Variants in SSR3 observed in about 807,000 individuals in gnomAD.
SSR3 encodes the protein signal sequence receptor subunit 3.
SSR3 carries 10 observed loss-of-function variants against 22.1 expected under a neutral mutation model. The observed-to-expected ratio is 0.45, with a 90% CI of 0.28 to 0.77. SSR3 has a LOEUF of 0.77. Ranked by LOEUF, SSR3 falls within the 30% of genes least tolerant of loss-of-function variation. The pLI is 0.13. For missense variants in SSR3, 181 were observed against 220.5 expected, an observed-to-expected ratio of 0.82 and a Z score of 1.13; for synonymous variants, 104 against 82.5, an observed-to-expected ratio of 1.26 and a Z score of -1.42.
intron 2 of SSR3, among the ~76,000 whole-genome samples, chr3:156,552,539 A>T (rs1720000456): frequency 6.6e-6 from 1 of 152,240 alleles, no homozygotes; most frequent in South Asian, 2.1e-4. Flanking sequence ...AAGTAAAAAC[A>T]GCATCCAAAC....
intron 4 of SSR3, among the ~76,000 whole-genome samples, chr3:156,543,672 G>A (rs1357661212): frequency 1.3e-5 from 2 of 152,214 alleles, no homozygotes; most frequent in African/African-American, 4.8e-5. Context: ...GCTTGCAACA[G>A]CAAGGAGGTT....
At position 156,540,023 on chromosome 3, in the gene SSR3, A is replaced by C. The variant is rs1470297306; in HGVS notation, c.*3180T>G. ...GCATGGTCAGCACATGTATCCCAGA[A>C]CTTAAAGTAAAATAAAAAATAAAAC... On this transcript the variant is annotated 3_prime_UTR_variant, in exon 5 of 5. Coordinates refer to ENST00000265044, the MANE Select transcript of SSR3 (RefSeq NM_007107.5). The C allele has an allele frequency of 6.6e-6, 1 of 152,242 alleles. No individual in the cohort carries two copies. The highest frequency in any genetic ancestry group is 2.4e-5 in the African/African-American group (1 of 41,456). The allele number at this position is 152,242 out of a possible 1,614,324, so 9.4% of individuals were successfully genotyped here.
chr3:156,554,965 AT>A lies in SSR3; in HGVS notation c.124del (p.Ile42SerfsTer23). 6.2e-7 allele frequency: 1 copy of A among 1,613,716 alleles called. No homozygotes were observed. The highest frequency in any genetic ancestry group is 8.5e-7 in the Non-Finnish European group (1 of 1,179,848). On this transcript the variant is annotated frameshift_variant, in exon 1 of 5. Coordinates refer to ENST00000265044, the MANE Select transcript of SSR3 (RefSeq NM_007107.5). LOFTEE classifies it high-confidence loss of function. Reference protein sequence around the residue: ...FFGNAFIVSAIPIWLYWRIWH... With the variant: ...FFGNAFIVSAXPIWLYWRIWH... ...TCGCTCCCAGCACTCACAGATGGGG[AT>A]GGCAGACACGATGAACGCGTTTCCG...
intron 2 of SSR3, among the ~76,000 whole-genome samples, chr3:156,549,655 TCTCA>T (rs1719880898): frequency 6.6e-6 from 1 of 152,226 alleles, no homozygotes; most frequent in South Asian, 2.1e-4. Context: ...TCTTTAGCTC[TCTCA>T]CTCAAGAACT....
In SSR3 at chr3:156,549,846, G is replaced by C. The variant is rs113508219; in HGVS notation, c.261-843C>G. On this transcript the variant is annotated intron_variant, in intron 2 of 4. Transcript: ENST00000265044. ...AACAAAACAAAACACACACAATTAA[G>C]AGGAAATCAATTCTGAAACCTAAAG... Among the ~76,000 whole-genome samples, 1,100 of 152,188 alleles carry C rather than the reference G, an allele frequency of 7.2e-3. 12 individuals carry two copies. Among genetic ancestry groups the C allele is most frequent in the African/African-American group, 0.025 (1,040 of 41,530 alleles).
At chr3:156,546,634 G>T (rs980986040) in intron 3 of SSR3, among the ~76,000 whole-genome samples, 3 of 152,114 alleles carry the variant, frequency 2.0e-5, no homozygotes, top group African/African-American at 7.2e-5. Flanking sequence ...CATTGCCAAC[G>T]GTTCTGCCTA....
chr3:156,553,962 T>C (rs758647010), intron 1 of SSR3, 181 bp from the exon 2 acceptor site: 3 of 492,030 alleles, frequency 6.1e-6, no homozygotes, highest in Non-Finnish European at 1.0e-5. Context: ...AGTCTCAAGC[T>C]TTCCAGTTCA....
intron 4 of SSR3, chr3:156,544,033 C>A (rs899005083): frequency 3.7e-5 from 14 of 378,200 alleles, no homozygotes; most frequent in Non-Finnish European, 6.1e-5. Flanking sequence ...TTTGCTTTGG[C>A]TCTTTGGAGC....
At position 156,553,719 on chromosome 3, in the gene SSR3, TCA is replaced by T; in HGVS notation, c.194_195del (p.Met65AsnfsTer41). On this transcript the variant is annotated frameshift_variant, in exon 2 of 5. Coordinates refer to ENST00000265044, the MANE Select transcript of SSR3 (RefSeq NM_007107.5). LOFTEE classifies it high-confidence loss of function. The stretch of plus-strand genomic sequence containing the variant: ...GCTACCAAATATGTGCTTACTAGGG[TCA>T]TCACACTATACAAAACAGCAGACTG... ...LIQSAVLYSV[M>X]TLVSTYLVAF... 1 of 1,612,810 alleles carries T rather than the reference TCA, an allele frequency of 6.2e-7. No individual in the cohort carries two copies. Among genetic ancestry groups the T allele is most frequent in the Non-Finnish European group, 8.5e-7 (1 of 1,179,822 alleles).
Position 156,543,184 on chromosome 3 carries a change from G to C in SSR3, c.*19C>G, listed in dbSNP as rs1719627743. On this transcript the variant is annotated 3_prime_UTR_variant, in exon 5 of 5. Transcript: ENST00000265044. ...AGGCCACCCATAGACACAAAGCCAG[G>C]GGGTGAAGCTGACATGGTCTATTTG... 2.5e-6 allele frequency: 4 copies of C among 1,611,786 alleles called. No individual in the cohort carries two copies. The highest frequency in any genetic ancestry group is 1.3e-5 in the African/African-American group (1 of 74,840).
Position 156,551,843 on chromosome 3 carries a change from A to T in SSR3, c.260+1812T>A, listed in dbSNP as rs867975503. Among the ~76,000 whole-genome samples, 13 of 152,298 alleles carry T rather than the reference A, an allele frequency of 8.5e-5. No homozygotes were observed. The South Asian group carries it at 1.0e-3, about 12-fold the overall frequency. On this transcript the variant is annotated intron_variant, in intron 2 of 4. Coordinates refer to ENST00000265044, the MANE Select transcript of SSR3 (RefSeq NM_007107.5). Reference sequence around the variant, plus strand: ...GGTAAGAATGGAAAGGAAGTAAGTTAATCCTAAATAGGGTAGGGCACAAGA... The same window carrying T: ...GGTAAGAATGGAAAGGAAGTAAGTTTATCCTAAATAGGGTAGGGCACAAGA...
chr3:156,550,918 A>G (rs1056254698), intron 2 of SSR3, among the ~76,000 whole-genome samples: 4 of 152,154 alleles, frequency 2.6e-5, no homozygotes, highest in African/African-American at 7.2e-5. Context: ...TAGCTGAGGA[A>G]TCTGAAGTCT....
chr3:156,549,182 G>T (rs1719865303), intron 2 of SSR3, 179 bp from the exon 3 acceptor site: 1 of 518,530 alleles, frequency 1.9e-6, no homozygotes, highest in Non-Finnish European at 3.2e-6. Context: ...CAAAAGAGAA[G>T]TTCGAGAAAT....
At chr3:156,546,306 A>G (rs77892188) in intron 3 of SSR3, among the ~76,000 whole-genome samples, 2,087 of 152,328 alleles carry the variant, frequency 0.014, 54 homozygotes, top group East Asian at 0.12. Flanking sequence ...TTTACCTTCC[A>G]CCATGATTGT....
rs1720095019 is a variant in SSR3, at chr3:156,554,891, T to C, written c.133+66A>G. ...CACGCCTTCCCTGCTCGCCGGGTCC[T>C]GCCACGTCCCCGCCCAGCCCGACTA... On this transcript the variant is annotated intron_variant, in intron 1 of 4. Transcript: ENST00000265044. 3.8e-6 allele frequency: 6 copies of C among 1,559,820 alleles called. No homozygotes were observed. In the Admixed American group the frequency reaches 1.1e-4, roughly 30 times the overall value.
intron 3 of SSR3, among the ~76,000 whole-genome samples, chr3:156,545,354 G>A (rs1015454847): frequency 6.6e-6 from 1 of 152,156 alleles, no homozygotes; most frequent in Non-Finnish European, 1.5e-5. Context: ...ATGTGCATGT[G>A]TCCACGTGTG....
Position 156,554,962 on chromosome 3 carries a change from G to A in SSR3, c.128C>T (p.Pro43Leu). The change falls in exon 1 of 5, where the codon CCC becomes CTC. Residue 43 changes from proline (P) to leucine (L), a missense_variant. By Grantham distance (98) the Pro-to-Leu change is moderately conservative. Coordinates refer to ENST00000265044, the MANE Select transcript of SSR3 (RefSeq NM_007107.5). ...FGNAFIVSAI[P>L]IWLYWRIWHM... Reference sequence around the variant, plus strand: ...GCCTCGCTCCCAGCACTCACAGATGGGGATGGCAGACACGATGAACGCGTT... The same window carrying A: ...GCCTCGCTCCCAGCACTCACAGATGAGGATGGCAGACACGATGAACGCGTT... The A allele has an allele frequency of 6.2e-7, 1 of 1,613,604 alleles. No homozygotes were observed. The highest frequency in any genetic ancestry group is 1.1e-5 in the South Asian group (1 of 91,040).
Position 156,543,130 on chromosome 3 carries a change from G to A in SSR3, c.*73C>T. 9 of 1,371,610 alleles carry A rather than the reference G, an allele frequency of 6.6e-6. No individual in the cohort carries two copies. In the South Asian group the frequency reaches 9.6e-5, roughly 15 times the overall value. The allele number at this position is 1,371,610 out of a possible 1,614,324, so 85.0% of individuals were successfully genotyped here. A position where few individuals can be genotyped will look rare whatever the true frequency, so the allele number is the denominator to read the frequency against. On this transcript the variant is annotated 3_prime_UTR_variant, in exon 5 of 5. Transcript: ENST00000265044. ...AAAAACATCTTGTGTCTCCCACCCT[G>A]ACCACCCTGCTACTTTTCCATATAC...
At position 156,540,021 on chromosome 3, in the gene SSR3, G is replaced by A. The variant is rs1719372398; in HGVS notation, c.*3182C>T. On this transcript the variant is annotated 3_prime_UTR_variant, in exon 5 of 5. Coordinates refer to ENST00000265044, the MANE Select transcript of SSR3 (RefSeq NM_007107.5). ...CTGCATGGTCAGCACATGTATCCCAGAACTTAAAGTAAAATAAAAAATAAA... is the reference window on the plus strand; with the variant it reads ...CTGCATGGTCAGCACATGTATCCCAAAACTTAAAGTAAAATAAAAAATAAA... 1.3e-5 allele frequency: 2 copies of A among 151,488 alleles called. No homozygotes were observed. Among genetic ancestry groups the A allele is most frequent in the African/African-American group, 4.9e-5 (2 of 41,170 alleles). The allele number at this position is 151,488 out of a possible 1,614,324, so 9.4% of individuals were successfully genotyped here.
Sources: allele counts gnomAD v4.1 joint callset (sites outside exome capture counted in the v4.1 genomes callset), GRCh38; gene constraint gnomAD v4.1.1; transcripts MANE v1.5; gene names NCBI Gene and HGNC (gene_info 2026-07-23, HGNC 2026-07-21).